Variants in CPA6 observed in about 807,000 individuals in gnomAD.
The protein encoded by CPA6 is carboxypeptidase A6.
A neutral mutation model predicts 63.3 loss-of-function variants in CPA6; 58 were observed. The ratio of observed to expected loss-of-function variants is 0.92; its 90% confidence interval spans 0.74 to 1.14. The LOEUF (loss-of-function observed/expected upper bound fraction) is 1.14. CPA6 is among the 50% of genes most tolerant of loss of function. The pLI, the probability that CPA6 is intolerant of heterozygous loss-of-function variation, is 0.00. For missense variants in CPA6, 565 were observed against 526.6 expected, an observed-to-expected ratio of 1.07 and a Z score of -0.71; for synonymous variants, 185 against 179.0, an observed-to-expected ratio of 1.03 and a Z score of -0.27.
chr8:67,638,423 A>T (rs1259794205), intron 1 of CPA6, among the ~76,000 whole-genome samples: 1 of 151,450 alleles, frequency 6.6e-6, no homozygotes, highest in Non-Finnish European at 1.5e-5. Flanking sequence ...GTAAAATTTA[A>T]ATTGATATGG....
chr8:67,453,672 A>G (rs1418148301), intron 8 of CPA6, among the ~76,000 whole-genome samples: 1 of 151,706 alleles, frequency 6.6e-6, no homozygotes, highest in Non-Finnish European at 1.5e-5. Flanking sequence ...AAGAGGACCA[A>G]CAAAATAGAT....
intron 2 of CPA6, among the ~76,000 whole-genome samples, chr8:67,591,501 A>T (rs948192504): frequency 2.4e-4 from 36 of 152,132 alleles, no homozygotes; most frequent in African/African-American, 8.5e-4. Flanking sequence ...CATGATATTG[A>T]TTCTTCCTAC....
intron 1 of CPA6, among the ~76,000 whole-genome samples, chr8:67,714,637 T>C (rs1485906761): frequency 6.6e-6 from 1 of 152,170 alleles, no homozygotes; most frequent in Non-Finnish European, 1.5e-5. Context: ...ATAGCACCAC[T>C]GCACTCCAGC....
chr8:67,734,821 TAC>T, intron 1 of CPA6, among the ~76,000 whole-genome samples: 1 of 152,340 alleles, frequency 6.6e-6, no homozygotes, highest in Middle Eastern at 3.4e-3. Context: ...GTGTTCTCAT[TAC>T]AGTCACAAAA....
At chr8:67,608,622 T>C (rs541766482) in intron 2 of CPA6, among the ~76,000 whole-genome samples, 1 of 152,302 alleles carries the variant, frequency 6.6e-6, no homozygotes, top group East Asian at 1.9e-4. Flanking sequence ...TAAAAAGCTG[T>C]CACCCTGACT....
chr8:67,450,542 A>G (rs1163740701), intron 8 of CPA6, among the ~76,000 whole-genome samples: 4 of 152,228 alleles, frequency 2.6e-5, no homozygotes, highest in Non-Finnish European at 5.9e-5. Context: ...TTAAGGAGAG[A>G]AAAACCAAAC....
At chr8:67,639,252 A>G (rs1288945619) in intron 1 of CPA6, among the ~76,000 whole-genome samples, 1 of 151,234 alleles carries the variant, frequency 6.6e-6, no homozygotes, top group Non-Finnish European at 1.5e-5. Context: ...CCAGCTGGAA[A>G]CCTCTGTGGC....
Position 67,556,681 on chromosome 8 carries a change from A to C in CPA6, c.193-38634T>G, listed in dbSNP as rs560475955. On this transcript the variant is annotated intron_variant, in intron 2 of 10. Coordinates refer to ENST00000297770, the MANE Select transcript of CPA6 (RefSeq NM_020361.5). ...TGAGCACACTCCAGGAAAAAATGCT[A>C]TTCTATTATCAGTTAGAGCTCGGCT... Among the ~76,000 whole-genome samples, 47 of 152,346 alleles carry C rather than the reference A, an allele frequency of 3.1e-4. No homozygotes were observed. The South Asian group carries it at 9.7e-3, about 32-fold the overall frequency.
intron 2 of CPA6, among the ~76,000 whole-genome samples, chr8:67,594,384 G>T (rs999280308): frequency 6.6e-6 from 1 of 152,104 alleles, no homozygotes; most frequent in African/African-American, 2.4e-5. Flanking sequence ...TTCTCGAGGA[G>T]TATCTTTGCG....
chr8:67,723,618 A>G (rs1817544702), intron 1 of CPA6, among the ~76,000 whole-genome samples: 1 of 152,110 alleles, frequency 6.6e-6, no homozygotes, highest in Non-Finnish European at 1.5e-5. Flanking sequence ...TAAAACACTT[A>G]ATTGTTTTAA....
intron 5 of CPA6, among the ~76,000 whole-genome samples, chr8:67,507,999 T>TTA (rs1811965731): frequency 7.0e-6 from 1 of 142,296 alleles, no homozygotes; most frequent in Non-Finnish European, 1.5e-5. Flanking sequence ...ATGGGGTGCT[T>TTA]TGTGTGTGTG....
At chr8:67,725,588 A>G (rs1329627372) in intron 1 of CPA6, among the ~76,000 whole-genome samples, 1 of 152,206 alleles carries the variant, frequency 6.6e-6, no homozygotes, top group African/African-American at 2.4e-5. Context: ...TGGCACAACC[A>G]TAGCTCACTG....
At chr8:67,731,254 T>C (rs1817699941) in intron 1 of CPA6, among the ~76,000 whole-genome samples, 1 of 152,234 alleles carries the variant, frequency 6.6e-6, no homozygotes, top group South Asian at 2.1e-4. Context: ...ACAAATTCTT[T>C]TTCACACACA....
At chr8:67,620,153 C>T (rs571934367) in intron 2 of CPA6, among the ~76,000 whole-genome samples, 8 of 152,168 alleles carry the variant, frequency 5.3e-5, no homozygotes, top group Non-Finnish European at 8.8e-5. Context: ...GCTCGTGACT[C>T]TCATGGATAG....
intron 2 of CPA6, among the ~76,000 whole-genome samples, chr8:67,560,438 C>T (rs990485045): frequency 6.6e-6 from 1 of 152,100 alleles, no homozygotes; most frequent in African/African-American, 2.4e-5. Context: ...AATAAGTTAA[C>T]AGTCTTCTGC....
intron 2 of CPA6, among the ~76,000 whole-genome samples, chr8:67,581,218 C>A (rs114489946): frequency 6.6e-6 from 1 of 151,936 alleles, no homozygotes; most frequent in African/African-American, 2.4e-5. Flanking sequence ...AGTGGATGTG[C>A]GACAGTTGAT....
At chr8:67,424,574 A>G (rs1809843383) in intron 10 of CPA6, among the ~76,000 whole-genome samples, 1 of 152,178 alleles carries the variant, frequency 6.6e-6, no homozygotes, top group Non-Finnish European at 1.5e-5. Context: ...GCATTGGCCA[A>G]AGTACTCAAG....
chr8:67,612,224 A>G (rs1403508518), intron 2 of CPA6, among the ~76,000 whole-genome samples: 1 of 152,180 alleles, frequency 6.6e-6, no homozygotes, highest in Non-Finnish European at 1.5e-5. Flanking sequence ...ATATCCTGCC[A>G]TTCCATTGTT....
chr8:67,645,349 A>G (rs1815691422), intron 1 of CPA6, among the ~76,000 whole-genome samples: 1 of 152,200 alleles, frequency 6.6e-6, no homozygotes, highest in African/African-American at 2.4e-5. Flanking sequence ...CCTGAAGGTG[A>G]GTGCCTTAAG....
Sources: gnomAD v4.1 joint callset for allele counts (sites outside exome capture counted in the v4.1 genomes callset) on GRCh38, gnomAD v4.1.1 for gene constraint, MANE v1.5 for transcripts, NCBI Gene and HGNC (gene_info 2026-07-23, HGNC 2026-07-21) for gene names.